The following ACYP2 variants were observed in gnomAD, a reference collection of about 807,000 sequenced individuals.
The protein encoded by ACYP2 is acylphosphatase 2.
ACYP2 carries 12 observed loss-of-function variants against 11.2 expected under a neutral mutation model. The ratio of observed to expected loss-of-function variants is 1.08; its 90% CI spans 0.69 to 1.74. ACYP2 has a LOEUF of 1.74. Among genes scored for constraint, ACYP2 ranks in the 40% most tolerant of loss-of-function variants. The probability of loss-of-function intolerance (pLI) is 0.00; values close to 1 mark genes in which losing one functional copy is unlikely to be tolerated. For missense variants in ACYP2, 134 were observed against 101.9 expected, an observed-to-expected ratio of 1.31 and a Z score of -1.35; for synonymous variants, 43 against 32.2, an observed-to-expected ratio of 1.33 and a Z score of -1.13.
At chr2:54,228,498 T>A (rs2103962163) in intron 6 of ACYP2, among the ~76,000 whole-genome samples, 1 of 152,296 alleles carries the variant, frequency 6.6e-6, no homozygotes, top group South Asian at 2.1e-4. Context: ...AGCTTTCAGA[T>A]TCAGGGAACT....
intron 6 of ACYP2, among the ~76,000 whole-genome samples, chr2:54,241,147 T>A (rs1222822772): frequency 6.6e-6 from 1 of 152,214 alleles, no homozygotes; most frequent in African/African-American, 2.4e-5. Context: ...CCTCCCCAAA[T>A]GCCTGTGAAT....
chr2:54,281,670 T>C (rs1688855390), intron 6 of ACYP2, among the ~76,000 whole-genome samples: 1 of 152,060 alleles, frequency 6.6e-6, no homozygotes, highest in South Asian at 2.1e-4. Flanking sequence ...AAAGCCAAAA[T>C]CAAAAGCTTA....
chr2:54,069,213 C>T (rs937729788), intron 4 of ACYP2, among the ~76,000 whole-genome samples: 1 of 152,048 alleles, frequency 6.6e-6, no homozygotes, highest in Non-Finnish European at 1.5e-5. Context: ...TTACAGGTGT[C>T]AGCCACAGCA....
intron 4 of ACYP2, among the ~76,000 whole-genome samples, chr2:54,132,212 T>C (rs1401688569): frequency 6.6e-6 from 1 of 152,120 alleles, no homozygotes; most frequent in African/African-American, 2.4e-5. Context: ...GCTTGTCTTC[T>C]CTCCTGTTTT....
intron 4 of ACYP2, among the ~76,000 whole-genome samples, chr2:54,113,442 T>C (rs1241763471): frequency 6.6e-6 from 1 of 151,992 alleles, no homozygotes; most frequent in East Asian, 1.9e-4. Context: ...GGGGCTTCAC[T>C]GTATTGTCCA....
chr2:53,982,652 T>G (rs1423295806), intron 2 of ACYP2, among the ~76,000 whole-genome samples: 1 of 152,234 alleles, frequency 6.6e-6, no homozygotes, highest in Non-Finnish European at 1.5e-5. Context: ...GCGACTTATA[T>G]TTTTATGGTC....
chr2:54,079,886 A>G (rs1677553626), intron 4 of ACYP2: 1 of 149,814 alleles, frequency 6.7e-6, no homozygotes, highest in African/African-American at 2.4e-5. Flanking sequence ...AATCTAAAAC[A>G]ACAATAATAT....
At chr2:53,991,143 T>G (rs1197266971) in intron 2 of ACYP2, among the ~76,000 whole-genome samples, 1 of 152,172 alleles carries the variant, frequency 6.6e-6, no homozygotes, top group Non-Finnish European at 1.5e-5. Context: ...GCTGGTCAAG[T>G]GTTCAAAGGT....
rs781742806 is a variant in ACYP2, at chr2:54,302,015, T to A, written c.405-2673T>A. On this transcript the variant is annotated intron_variant, in intron 6 of 6. Coordinates refer to ENST00000607452, the MANE Select transcript of ACYP2 (RefSeq NM_001320586.2). Reference sequence around the variant, plus strand: ...CCCAACACCATGACCATCTGCCCCATCAGTGGCATAGATTCCTCCCAGGCC... The same window carrying A: ...CCCAACACCATGACCATCTGCCCCAACAGTGGCATAGATTCCTCCCAGGCC... 5.3e-5 allele frequency among the ~76,000 whole-genome samples: 8 copies of A among 152,278 alleles called. No homozygotes were observed. In the South Asian group the frequency reaches 6.2e-4, roughly 12 times the overall value.
intron 2 of ACYP2, among the ~76,000 whole-genome samples, chr2:54,029,308 C>G (rs1319476446): frequency 6.6e-6 from 1 of 152,114 alleles, no homozygotes; most frequent in Non-Finnish European, 1.5e-5. Context: ...GTACATACTA[C>G]CAGCATAACC....
chr2:54,189,286 C>T (rs1192666637), intron 6 of ACYP2, among the ~76,000 whole-genome samples: 1 of 152,148 alleles, frequency 6.6e-6, no homozygotes, highest in African/African-American at 2.4e-5. Flanking sequence ...ATCCTAATAT[C>T]TACTACTTTT....
At chr2:54,194,836 T>C (rs1684389896) in intron 6 of ACYP2, among the ~76,000 whole-genome samples, 1 of 152,206 alleles carries the variant, frequency 6.6e-6, no homozygotes, top group Non-Finnish European at 1.5e-5. Context: ...CTTACAATGC[T>C]ATCCACATAG....
At chr2:53,992,152 TTTCC>T (rs1042499296) in intron 2 of ACYP2, among the ~76,000 whole-genome samples, 4 of 148,652 alleles carry the variant, frequency 2.7e-5, no homozygotes, top group Admixed American at 6.7e-5. Context: ...CCTTTCTTTC[TTTCC>T]TTCCTTCCTA....
At chr2:54,155,748 G>A (rs962477621) in intron 6 of ACYP2, among the ~76,000 whole-genome samples, 1 of 152,080 alleles carries the variant, frequency 6.6e-6, no homozygotes, top group Non-Finnish European at 1.5e-5. Flanking sequence ...CATCCCATAA[G>A]TTTTGGTATG....
At chr2:54,255,112 A>T in intron 6 of ACYP2, 3 of 1,614,154 alleles carry the variant, frequency 1.9e-6, no homozygotes, top group Non-Finnish European at 2.5e-6. Context: ...GAAGCTGCAG[A>T]TGACATGTCG....
chr2:54,007,138 C>CAAAAAAAA (rs70944145), intron 2 of ACYP2, among the ~76,000 whole-genome samples: 126 of 52,006 alleles, frequency 2.4e-3, no homozygotes, highest in Non-Finnish European at 3.2e-3. Flanking sequence ...GACTCTGTGT[C>CAAAAAAAA]AAAAAAAAAA....
chr2:54,219,821 G>GTATATATA (rs143249977), intron 6 of ACYP2, among the ~76,000 whole-genome samples: 33,094 of 142,216 alleles, frequency 0.23, 4,193 homozygotes, highest in East Asian at 0.39. Context: ...TTGTGTATGT[G>GTATATATA]TGTGTGTATA....
chr2:53,998,448 T>C (rs960771922), intron 2 of ACYP2, among the ~76,000 whole-genome samples: 1 of 152,132 alleles, frequency 6.6e-6, no homozygotes, highest in Admixed American at 6.6e-5. Context: ...AACGAATTGG[T>C]TGGGAAAGTG....
At chr2:54,290,047 T>C (rs1336887362) in intron 6 of ACYP2, among the ~76,000 whole-genome samples, 1 of 152,104 alleles carries the variant, frequency 6.6e-6, no homozygotes, top group Non-Finnish European at 1.5e-5. Flanking sequence ...CCATCCCACC[T>C]TGGCGCTATT....
Sources: gnomAD v4.1 joint callset for allele counts (sites outside exome capture counted in the v4.1 genomes callset) on GRCh38, gnomAD v4.1.1 for gene constraint, MANE v1.5 for transcripts, NCBI Gene and HGNC (gene_info 2026-07-23, HGNC 2026-07-21) for gene names.